The following LRMDA variants were observed in gnomAD, a reference collection of about 807,000 sequenced individuals.
LRMDA encodes the protein leucine-rich melanocyte differentiation-associated protein.
A neutral mutation model predicts 29.8 loss-of-function variants in LRMDA; 18 were observed. That is an observed-to-expected ratio of 0.60 (90% CI 0.42 to 0.90). The LOEUF is 0.90. LRMDA is among the 40% of genes least tolerant of loss of function. The pLI, the probability that LRMDA is intolerant of heterozygous loss-of-function variation, is 0.00. For missense variants in LRMDA, 273 were observed against 273.9 expected (o/e 1.00, Z 0.02); for synonymous variants, 125 against 109.4 (o/e 1.14, Z -0.89).
intron 6 of LRMDA, among the ~76,000 whole-genome samples, chr10:76,446,063 G>C (rs1285982393): frequency 6.6e-6 from 1 of 152,110 alleles, no homozygotes; most frequent in Non-Finnish European, 1.5e-5. Flanking sequence ...TTATTGCGTA[G>C]ATCTGTATAC....
intron 5 of LRMDA, among the ~76,000 whole-genome samples, chr10:76,178,940 G>A (rs1850991222): frequency 1.3e-5 from 2 of 152,124 alleles, no homozygotes; most frequent in South Asian, 4.1e-4. Flanking sequence ...GCCCTCCGAT[G>A]GTGTTCACCG....
chr10:75,798,965 A>G lies in LRMDA; in HGVS notation c.132-237043A>G, dbSNP rs1283301965. On this transcript the variant is annotated intron_variant, in intron 2 of 6. Transcript: ENST00000611255. ...TAATTATCATTATGGCATATGGTCTATGTTCATGAATACATCTTGTGTACT... is the reference window on the plus strand; with the variant it reads ...TAATTATCATTATGGCATATGGTCTGTGTTCATGAATACATCTTGTGTACT... 2.6e-5 allele frequency among the ~76,000 whole-genome samples: 4 copies of G among 152,326 alleles called. No individual in the cohort carries two copies. The East Asian group carries it at 5.8e-4, about 22-fold the overall frequency.
chr10:75,657,005 A>C (rs542598350), intron 2 of LRMDA, among the ~76,000 whole-genome samples: 1 of 152,302 alleles, frequency 6.6e-6, no homozygotes, highest in African/African-American at 2.4e-5. Flanking sequence ...AGAGACAATA[A>C]AATGGAGGCA....
intron 2 of LRMDA, among the ~76,000 whole-genome samples, chr10:75,455,315 T>TGTAA (rs1230350212): frequency 6.6e-6 from 1 of 152,236 alleles, no homozygotes; most frequent in Admixed American, 6.5e-5. Context: ...GGTATTGTTG[T>TGTAA]ATACCTTCAG....
intron 4 of LRMDA, among the ~76,000 whole-genome samples, chr10:76,056,659 T>C (rs556736078): frequency 1.9e-3 from 291 of 152,328 alleles, no homozygotes; most frequent in African/African-American, 6.8e-3. Flanking sequence ...CTCAGCCAGA[T>C]TGTGACAGTG....
At chr10:76,016,915 T>G (rs1847888624) in intron 2 of LRMDA, among the ~76,000 whole-genome samples, 1 of 152,208 alleles carries the variant, frequency 6.6e-6, no homozygotes, top group Admixed American at 6.5e-5. Context: ...TAGGCCTGGA[T>G]GAGAACCTTG....
intron 2 of LRMDA, among the ~76,000 whole-genome samples, chr10:75,947,440 T>A (rs1444267662): frequency 2.0e-5 from 3 of 152,154 alleles, no homozygotes; most frequent in Non-Finnish European, 4.4e-5. Flanking sequence ...ACAGCAGTGC[T>A]CCCATTGCTG....
At chr10:76,389,435 A>G (rs959203919) in intron 6 of LRMDA, among the ~76,000 whole-genome samples, 2 of 152,232 alleles carry the variant, frequency 1.3e-5, no homozygotes, top group Non-Finnish European at 2.9e-5. Flanking sequence ...GCAATTAGCC[A>G]TGTATTTATT....
At position 76,411,843 on chromosome 10, in the gene LRMDA, C is replaced by G. The variant is rs112465134; in HGVS notation, c.601+87358C>G. Reference sequence around the variant, plus strand: ...GGGGCAGGCCACTTTGGAGACATAACAAATATAACCAGGGTAGAGCTCTGC... The same window carrying G: ...GGGGCAGGCCACTTTGGAGACATAAGAAATATAACCAGGGTAGAGCTCTGC... On this transcript the variant is annotated intron_variant, in intron 6 of 6. Coordinates refer to ENST00000611255, the MANE Select transcript of LRMDA (RefSeq NM_001305581.2). Among the ~76,000 whole-genome samples the G allele has an allele frequency of 8.1e-3, 1,220 of 149,910 alleles. 13 individuals are homozygous for G. Among genetic ancestry groups the G allele is most frequent in the Middle Eastern group, 0.044 (13 of 294 alleles).
chr10:75,513,849 A>G lies in LRMDA; in HGVS notation c.131+75355A>G, dbSNP rs553654242. Among the ~76,000 whole-genome samples, 7 of 152,318 alleles carry G rather than the reference A, an allele frequency of 4.6e-5. No homozygotes were observed. In the East Asian group the frequency reaches 5.8e-4, roughly 13 times the overall value. On this transcript the variant is annotated intron_variant, in intron 2 of 6. Transcript: ENST00000611255. The stretch of plus-strand genomic sequence containing the variant: ...CTCAAAATCCTAGTTTAATCACCTC[A>G]GCAAAGTCCCATTTGCCATGTAAGG...
intron 2 of LRMDA, among the ~76,000 whole-genome samples, chr10:75,551,299 T>G (rs986029592): frequency 1.3e-5 from 2 of 151,932 alleles, no homozygotes; most frequent in Non-Finnish European, 2.9e-5. Flanking sequence ...CACTAAAAAG[T>G]AAGACCATGG....
intron 5 of LRMDA, among the ~76,000 whole-genome samples, chr10:76,236,427 A>G (rs1436920576): frequency 6.6e-6 from 1 of 152,234 alleles, no homozygotes; most frequent in East Asian, 1.9e-4. Flanking sequence ...CAGATTCTGA[A>G]TTCCAGTGGA....
intron 5 of LRMDA, among the ~76,000 whole-genome samples, chr10:76,095,917 C>G (rs2132096391): frequency 6.6e-6 from 1 of 151,290 alleles, no homozygotes; most frequent in East Asian, 1.9e-4. Flanking sequence ...TGCACTCCAG[C>G]CTGGGAGACA....
At chr10:76,463,975 T>C (rs1243180716) in intron 6 of LRMDA, among the ~76,000 whole-genome samples, 1 of 142,050 alleles carries the variant, frequency 7.0e-6, no homozygotes, top group Non-Finnish European at 1.5e-5. Context: ...CTGGCATGCA[T>C]TGGCGTGATC....
intron 2 of LRMDA, among the ~76,000 whole-genome samples, chr10:75,439,493 A>G (rs1319334312): frequency 4.6e-5 from 7 of 152,194 alleles, no homozygotes; most frequent in Admixed American, 4.6e-4. Context: ...AATGGAACAC[A>G]ACTCTGGAAA....
intron 2 of LRMDA, among the ~76,000 whole-genome samples, chr10:75,741,194 C>T (rs1842824555): frequency 6.6e-6 from 1 of 152,160 alleles, no homozygotes; most frequent in Non-Finnish European, 1.5e-5. Context: ...CTGTGTATTT[C>T]TTTCTGGAGG....
chr10:76,463,964 G>A (rs80119470), intron 6 of LRMDA, among the ~76,000 whole-genome samples: 3,916 of 129,020 alleles, frequency 0.03, 127 homozygotes, highest in African/African-American at 0.077. Flanking sequence ...TGTCACCCAG[G>A]CTGGCATGCA....
chr10:76,200,891 T>C (rs1337749941), intron 5 of LRMDA, among the ~76,000 whole-genome samples: 1 of 150,714 alleles, frequency 6.6e-6, no homozygotes, highest in Non-Finnish European at 1.5e-5. Flanking sequence ...CTAATTTTTG[T>C]ATTTCAGTAG....
chr10:76,329,127 G>C (rs1055710101), intron 6 of LRMDA, among the ~76,000 whole-genome samples: 29 of 152,276 alleles, frequency 1.9e-4, no homozygotes, highest in African/African-American at 6.3e-4. Context: ...CATCTCTCTA[G>C]ATTTCCAAAT....
Sources: gnomAD v4.1 joint callset for allele counts (sites outside exome capture counted in the v4.1 genomes callset) on GRCh38, gnomAD v4.1.1 for gene constraint, MANE v1.5 for transcripts, NCBI Gene and HGNC (gene_info 2026-07-23, HGNC 2026-07-21) for gene names.